The following TAFA1 variants were observed in gnomAD, a reference collection of about 807,000 sequenced individuals.
TAFA1 encodes TAFA chemokine like family member 1.
A neutral mutation model predicts 18.5 loss-of-function variants in TAFA1; 4 were observed. The observed-to-expected ratio is 0.22, with a 90% CI of 0.11 to 0.49. TAFA1 has a LOEUF of 0.49. Ranked by LOEUF, TAFA1 falls within the 20% of genes least tolerant of loss-of-function variation. The pLI, the probability that TAFA1 is intolerant of heterozygous loss-of-function variation, is 0.98. For missense variants in TAFA1, 147 were observed against 169.0 expected, an observed-to-expected ratio of 0.87 and a Z score of 0.72; for synonymous variants, 56 against 55.2, an observed-to-expected ratio of 1.01 and a Z score of -0.06.
intron 2 of TAFA1, among the ~76,000 whole-genome samples, chr3:68,349,348 C>T (rs996920093): frequency 7.2e-5 from 11 of 151,942 alleles, no homozygotes; most frequent in African/African-American, 2.7e-4. Flanking sequence ...CATAAGTCCC[C>T]ATTTTTCTGG....
At chr3:68,356,162 A>G (rs898201521) in intron 2 of TAFA1, among the ~76,000 whole-genome samples, 1 of 151,868 alleles carries the variant, frequency 6.6e-6, no homozygotes, top group South Asian at 2.1e-4. Flanking sequence ...GTCCTGCACT[A>G]GATTTCTGAA....
At chr3:68,164,539 C>T (rs2065960767) in intron 2 of TAFA1, among the ~76,000 whole-genome samples, 1 of 151,840 alleles carries the variant, frequency 6.6e-6, no homozygotes, top group African/African-American at 2.4e-5. Context: ...TTTTCTTTTT[C>T]ATTGCATTCT....
rs568318981 is a variant in TAFA1, at chr3:68,535,166, G to A, written c.260-3590G>A. ...TGCCCAAAGGAAACTTCAGATTATA[G>A]GTTTTCAATAAACACTGGCAAACCT... On this transcript the variant is annotated intron_variant, in intron 3 of 4. Transcript: ENST00000478136. 2.6e-5 allele frequency among the ~76,000 whole-genome samples: 4 copies of A among 152,186 alleles called. No homozygotes were observed. The South Asian group carries it at 8.3e-4, about 32-fold the overall frequency.
chr3:68,030,217 C>A (rs567861918), intron 2 of TAFA1, among the ~76,000 whole-genome samples: 3 of 151,792 alleles, frequency 2.0e-5, no homozygotes, highest in African/African-American at 4.8e-5. Flanking sequence ...AAAAATAAAA[C>A]CAGTTCATGC....
chr3:68,488,562 T>C (rs2072391310), intron 3 of TAFA1, among the ~76,000 whole-genome samples: 1 of 152,186 alleles, frequency 6.6e-6, no homozygotes, highest in East Asian at 1.9e-4. Context: ...TGGAGTCCTA[T>C]TTGGGTTCAA....
chr3:68,453,475 A>G (rs73092815), intron 3 of TAFA1, among the ~76,000 whole-genome samples: 31,699 of 152,150 alleles, frequency 0.21, 4,137 homozygotes, highest in East Asian at 0.43. Flanking sequence ...GATGGCATAT[A>G]TATGGGCTTG....
chr3:68,168,621 C>T (rs924254526), intron 2 of TAFA1, among the ~76,000 whole-genome samples: 7 of 152,108 alleles, frequency 4.6e-5, no homozygotes, highest in African/African-American at 9.7e-5. Flanking sequence ...AATGCATTCT[C>T]GTACCAACGG....
chr3:68,225,224 T>G (rs559741446), intron 2 of TAFA1, among the ~76,000 whole-genome samples: 13 of 152,202 alleles, frequency 8.5e-5, no homozygotes, highest in African/African-American at 2.9e-4. Flanking sequence ...TGGCACTTTA[T>G]TACTTGTTTC....
intron 3 of TAFA1, among the ~76,000 whole-genome samples, chr3:68,462,537 G>A (rs1203278285): frequency 6.6e-6 from 1 of 152,122 alleles, no homozygotes; most frequent in African/African-American, 2.4e-5. Context: ...AAATTATGCT[G>A]TATTGACTAT....
At chr3:68,165,287 A>G (rs2065970772) in intron 2 of TAFA1, among the ~76,000 whole-genome samples, 1 of 152,170 alleles carries the variant, frequency 6.6e-6, no homozygotes, top group Non-Finnish European at 1.5e-5. Flanking sequence ...CTTTTCTTTC[A>G]CCAGCAAAAC....
chr3:68,061,038 C>G (rs1422292216), intron 2 of TAFA1, among the ~76,000 whole-genome samples: 1 of 152,146 alleles, frequency 6.6e-6, no homozygotes, highest in Non-Finnish European at 1.5e-5. Context: ...CTCTCTGGAT[C>G]TCTTTCTCAG....
At chr3:68,292,834 T>C (rs1435769948) in intron 2 of TAFA1, among the ~76,000 whole-genome samples, 2 of 152,180 alleles carry the variant, frequency 1.3e-5, no homozygotes, top group East Asian at 3.8e-4. Flanking sequence ...TGAGCCACTG[T>C]ATCTGGCCTC....
At chr3:68,140,611 C>G (rs73834846) in intron 2 of TAFA1, among the ~76,000 whole-genome samples, 4,244 of 152,232 alleles carry the variant, frequency 0.028, 83 homozygotes, top group East Asian at 0.1. Flanking sequence ...TGATCAAGTT[C>G]CTAAACTTCT....
intron 2 of TAFA1, chr3:68,247,435 A>T (rs1329259758): frequency 6.6e-6 from 1 of 152,178 alleles, no homozygotes; most frequent in Non-Finnish European, 1.5e-5. Context: ...GGACAGCATT[A>T]GGGACCTTGT....
chr3:68,516,024 G>A lies in TAFA1; in HGVS notation c.260-22732G>A, dbSNP rs573160117. Among the ~76,000 whole-genome samples the A allele has an allele frequency of 7.2e-5, 11 of 152,356 alleles. No individual in the cohort carries two copies. In the South Asian group the frequency reaches 1.7e-3, roughly 23 times the overall value. ...GCAATTTACATTTTCACTTTGATCA[G>A]TAAAAGCAGATATATTGGTCTCTGT... On this transcript the variant is annotated intron_variant, in intron 3 of 4. Transcript: ENST00000478136.
intron 2 of TAFA1, among the ~76,000 whole-genome samples, chr3:68,038,232 A>G (rs1559712545): frequency 6.6e-6 from 1 of 152,118 alleles, no homozygotes; most frequent in Non-Finnish European, 1.5e-5. Context: ...CTTCCTTATG[A>G]TTTTTTAGTG....
intron 2 of TAFA1, among the ~76,000 whole-genome samples, chr3:68,318,484 C>T (rs1042937488): frequency 7.9e-5 from 12 of 152,316 alleles, no homozygotes; most frequent in African/African-American, 2.6e-4. Context: ...GAATGTCTTT[C>T]TGCTGAGGAA....
chr3:68,329,593 G>A (rs1023215985), intron 2 of TAFA1, among the ~76,000 whole-genome samples: 19 of 152,154 alleles, frequency 1.2e-4, no homozygotes, highest in African/African-American at 3.9e-4. Context: ...CAAGACTCTT[G>A]TGAATTTGTT....
chr3:68,314,888 A>G (rs1456096714), intron 2 of TAFA1, among the ~76,000 whole-genome samples: 1 of 150,016 alleles, frequency 6.7e-6, no homozygotes, highest in East Asian at 1.9e-4. Flanking sequence ...CGGTCATAAG[A>G]TATTTATACA....
Sources: allele counts gnomAD v4.1 joint callset (sites outside exome capture counted in the v4.1 genomes callset), GRCh38; gene constraint gnomAD v4.1.1; transcripts MANE v1.5; gene names NCBI Gene and HGNC (gene_info 2026-07-23, HGNC 2026-07-21).